The following ACBD4 variants were observed in gnomAD, a reference collection of about 807,000 sequenced individuals.
ACBD4 encodes acyl-CoA-binding domain-containing protein 4.
Under a neutral mutation model 46.0 loss-of-function variants are expected in ACBD4, and 41 were observed. The ratio of observed to expected loss-of-function variants is 0.89; its 90% CI spans 0.69 to 1.16. The LOEUF (loss-of-function observed/expected upper bound fraction) is 1.16. Ranked by LOEUF, ACBD4 falls within the 50% of genes most tolerant of loss-of-function variation. ACBD4 has a pLI of 0.00. For missense variants in ACBD4, 393 were observed against 399.5 expected (o/e 0.98, Z 0.14); for synonymous variants, 162 against 155.9 (o/e 1.04, Z -0.29).
rs2055450096 is a variant in ACBD4, at chr17:45,144,048, G to A, written c.*477G>A. 2 of 164,926 alleles carry A rather than the reference G, an allele frequency of 1.2e-5. No homozygotes were observed. Among genetic ancestry groups the A allele is most frequent in the Admixed American group, 1.3e-4 (2 of 15,908 alleles). The allele number at this position is 164,926 out of a possible 1,614,324, so 10.2% of individuals were successfully genotyped here. A position where few individuals can be genotyped will look rare whatever the true frequency, so the allele number is the denominator to read the frequency against. ...TGGGAGGAGTGAGCAGGCCCCGGGG[G>A]AGGGGGATGAGCGCAGTTTGCTCGC... On this transcript the variant is annotated 3_prime_UTR_variant, in exon 10 of 10. Coordinates refer to ENST00000321854, the MANE Select transcript of ACBD4 (RefSeq NM_001135705.3).
intron 9 of ACBD4, among the ~76,000 whole-genome samples, chr17:45,139,567 G>A (rs1477676771): frequency 6.6e-6 from 1 of 152,110 alleles, no homozygotes; most frequent in African/African-American, 2.4e-5. Flanking sequence ...TCAACTCCTA[G>A]CTCTGCTTGC....
At chr17:45,142,350 G>A (rs1359720290) in intron 9 of ACBD4, among the ~76,000 whole-genome samples, 5 of 110,672 alleles carry the variant, frequency 4.5e-5, no homozygotes, top group African/African-American at 7.1e-5. Context: ...CCGAGATCAC[G>A]CCATTGCACT....
Position 45,143,601 on chromosome 17 carries a change from T to C in ACBD4, c.*30T>C. ...CAGTGGAGGGGTCTCTGCAGCCAAC[T>C]GAGACTATCTTGCTGTGCCCTGAGC... On this transcript the variant is annotated 3_prime_UTR_variant, in exon 10 of 10. Transcript: ENST00000321854. 2 of 1,613,966 alleles carry C rather than the reference T, an allele frequency of 1.2e-6. No homozygotes were observed. The highest frequency in any genetic ancestry group is 1.7e-6 in the Non-Finnish European group (2 of 1,179,990).
intron 8 of ACBD4, among the ~76,000 whole-genome samples, chr17:45,138,719 C>A (rs192515745): frequency 6.7e-6 from 1 of 149,202 alleles, no homozygotes; most frequent in Non-Finnish European, 1.5e-5. Flanking sequence ...ATCCAGGAGG[C>A]GGAGGTTGCA....
At chr17:45,138,958 C>A (rs1264527916) in intron 8 of ACBD4, 63 bp from the exon 9 acceptor site, 2 of 1,582,264 alleles carry the variant, frequency 1.3e-6, no homozygotes, top group Non-Finnish European at 1.7e-6. Flanking sequence ...CCAGCCTGCC[C>A]CCACCCTGCC....
chr17:45,134,645 C>T (rs374459402), upstream of ACBD4, among the ~76,000 whole-genome samples: 2 of 151,854 alleles, frequency 1.3e-5, no homozygotes, highest in Non-Finnish European at 2.9e-5. Context: ...GGCGTGGTGG[C>T]GAGCGCCTGT....
At chr17:45,132,376 G>GGGC, upstream of ACBD4, 3 of 1,228,274 alleles carry the variant, frequency 2.4e-6, no homozygotes, top group Non-Finnish European at 1.0e-6. This position sits in a 1 kb window ranked among gnomAD's most constrained non-coding sequence, Gnocchi z 4.6. Flanking sequence ...CTCCTCGGGC[G>GGGC]GGCGGCGGCA....
rs1482010746 is a variant in ACBD4 at position 45,137,356 on chromosome 17, G to A, written c.416-12G>A. On this transcript the variant is annotated splice_polypyrimidine_tract_variant and intron_variant, in intron 5 of 9. Coordinates refer to ENST00000321854, the MANE Select transcript of ACBD4 (RefSeq NM_001135705.3). ...CTCCCCAGGCCCACCTCTGGGTGCT[G>A]TGTCTTGGCAGGTTGGAAAGAGCAG... 2.5e-6 allele frequency: 4 copies of A among 1,614,016 alleles called. No homozygotes were observed. Among genetic ancestry groups the A allele is most frequent in the African/African-American group, 2.7e-5 (2 of 74,928 alleles).
intron 8 of ACBD4, chr17:45,138,462 C>T (rs543964434): frequency 5.3e-6 from 1 of 188,212 alleles, no homozygotes; most frequent in African/African-American, 2.4e-5. Context: ...GACATCTTCT[C>T]CTAATTTTTA....
At chr17:45,132,432 C>G, upstream of ACBD4, 2 of 1,196,750 alleles carry the variant, frequency 1.7e-6, no homozygotes, top group Non-Finnish European at 2.1e-6. This position sits in a 1 kb window ranked among gnomAD's most constrained non-coding sequence, Gnocchi z 4.6. Flanking sequence ...GGGCCGGGGC[C>G]GGGCCCGGGG....
intron 2 of ACBD4, 103 bp from the exon 3 acceptor site, chr17:45,136,397 G>C: frequency 6.8e-7 from 1 of 1,465,902 alleles, no homozygotes; most frequent in Non-Finnish European, 9.4e-7. Flanking sequence ...CCCTGGGTGG[G>C]ACCCATCACC....
upstream of ACBD4, among the ~76,000 whole-genome samples, chr17:45,131,685 C>G (rs1235066060): frequency 6.6e-6 from 1 of 152,270 alleles, no homozygotes; most frequent in African/African-American, 2.4e-5. Flanking sequence ...CAGTTACATT[C>G]CTTCTCCACG....
chr17:45,140,902 A>G (rs1287502908), intron 9 of ACBD4, among the ~76,000 whole-genome samples: 1 of 152,110 alleles, frequency 6.6e-6, no homozygotes, highest in Admixed American at 6.5e-5. Flanking sequence ...AATCCCAGCT[A>G]CTCAGGAGGC....
chr17:45,136,187 C>G lies in ACBD4; in HGVS notation c.43C>G (p.Gln15Glu). The G allele has an allele frequency of 6.2e-7, 1 of 1,613,818 alleles. No individual in the cohort carries two copies. The highest frequency in any genetic ancestry group is 8.5e-7 in the Non-Finnish European group (1 of 1,179,872). ...KESPEPDCQK[Q>E]FQAAVSVIQN... ...AAGCCCAGAGCCCGACTGCCAGAAACAGTTCCAGGCTGCAGTGAGCGTCAT... is the reference window on the plus strand; with the variant it reads ...AAGCCCAGAGCCCGACTGCCAGAAAGAGTTCCAGGCTGCAGTGAGCGTCAT... The change falls in exon 2 of 10, where the codon CAG becomes GAG. Residue 15 changes from glutamine to glutamate, a missense_variant. Transcript: ENST00000321854.
At chr17:45,137,313 A>G (rs372638543) in intron 5 of ACBD4, 55 bp from the exon 6 acceptor site, 30 of 1,603,872 alleles carry the variant, frequency 1.9e-5, no homozygotes, top group Non-Finnish European at 2.5e-5. Flanking sequence ...GCTTGATCAC[A>G]CTGGGAGGTG....
intron 9 of ACBD4, among the ~76,000 whole-genome samples, chr17:45,140,501 C>A (rs1474937161): frequency 6.7e-6 from 1 of 148,454 alleles, no homozygotes; most frequent in Non-Finnish European, 1.5e-5. Context: ...TTTTTCCTAC[C>A]ATTTACTACT....
Position 45,143,991 on chromosome 17 carries a change from C to A in ACBD4, c.*420C>A. 1 of 194,000 alleles carries A rather than the reference C, an allele frequency of 5.2e-6. No individual in the cohort carries two copies. 12.0% of individuals were successfully genotyped at this position (194,000 alleles called of 1,614,324 possible). A position where few individuals can be genotyped will look rare whatever the true frequency, so the allele number is the denominator to read the frequency against. On this transcript the variant is annotated 3_prime_UTR_variant, in exon 10 of 10. Coordinates refer to ENST00000321854, the MANE Select transcript of ACBD4 (RefSeq NM_001135705.3). ...CTGGAAGAATGATTGGCTGGGAGGC[C>A]GCGGGAGGGAGGCCAGGAGGCCCGG...
chr17:45,138,932 C>G (rs2055074484), intron 8 of ACBD4, 89 bp from the exon 9 acceptor site: 1 of 1,451,952 alleles, frequency 6.9e-7, no homozygotes, highest in South Asian at 1.2e-5. Flanking sequence ...CACTCCTACA[C>G]TTTCCTGGGC....
At chr17:45,141,468 G>T (rs1200196768) in intron 9 of ACBD4, among the ~76,000 whole-genome samples, 1 of 152,088 alleles carries the variant, frequency 6.6e-6, no homozygotes, top group Non-Finnish European at 1.5e-5. Flanking sequence ...CAGGCAGATC[G>T]CTTGAGCCCA....
Sources: gnomAD v4.1 joint callset for allele counts (sites outside exome capture counted in the v4.1 genomes callset) on GRCh38, gnomAD v4.1.1 for gene constraint, Gnocchi (gnomAD v3.1) non-coding constraint, MANE v1.5 for transcripts, NCBI Gene and HGNC (gene_info 2026-07-23, HGNC 2026-07-21) for gene names.